LPP: variants seen among roughly 807,000 people sequenced by gnomAD.
LPP encodes lipoma-preferred partner.
Under a neutral mutation model 60.4 loss-of-function variants are expected in LPP, and 38 were observed. The ratio of observed to expected loss-of-function variants is 0.63; its 90% CI spans 0.49 to 0.83. The LOEUF is 0.83. Among genes scored for constraint, LPP ranks in the 40% least tolerant of loss-of-function variants. LPP has a pLI of 0.00. For synonymous variants in LPP, 328 were observed against 290.8 expected (o/e 1.13, Z -1.30); for missense variants, 902 against 783.6 (o/e 1.15, Z -1.80).
intron 9 of LPP, among the ~76,000 whole-genome samples, chr3:188,829,352 T>C (rs967749444): frequency 6.6e-6 from 1 of 152,210 alleles, no homozygotes; most frequent in African/African-American, 2.4e-5. Context: ...ATCAAGTTAC[T>C]ATGATCTACA....
At chr3:188,204,043 G>C (rs1732450088) in intron 1 of LPP, among the ~76,000 whole-genome samples, 1 of 152,146 alleles carries the variant, frequency 6.6e-6, no homozygotes, top group Admixed American at 6.5e-5. Context: ...CTTTAGAGAA[G>C]GGGTGGGCCA....
At chr3:188,724,813 T>G (rs537255840) in intron 8 of LPP, among the ~76,000 whole-genome samples, 2 of 152,322 alleles carry the variant, frequency 1.3e-5, no homozygotes, top group Admixed American at 1.3e-4. Flanking sequence ...CTATGGCATC[T>G]TCTAGTCTAG....
intron 9 of LPP, among the ~76,000 whole-genome samples, chr3:188,785,314 CAT>C (rs58925318): frequency 9.5e-5 from 1 of 10,578 alleles, no homozygotes; most frequent in African/African-American, 5.2e-4. Context: ...TATATTCCAT[CAT>C]ATATATATAT....
chr3:188,565,671 T>C (rs2150753175), intron 6 of LPP, among the ~76,000 whole-genome samples: 1 of 152,074 alleles, frequency 6.6e-6, no homozygotes, highest in East Asian at 1.9e-4. Context: ...CCTAAATATG[T>C]TTGTCTGATG....
intron 7 of LPP, among the ~76,000 whole-genome samples, chr3:188,694,079 G>T (rs1220164195): frequency 6.6e-6 from 1 of 152,108 alleles, no homozygotes; most frequent in East Asian, 1.9e-4. Flanking sequence ...AGAAGGCAGG[G>T]AATCTAAAGT....
chr3:188,609,072 A>G lies in LPP; in HGVS notation c.430-89A>G, dbSNP rs1056802597. 4 of 933,752 alleles carry G rather than the reference A, an allele frequency of 4.3e-6. No homozygotes were observed. Among genetic ancestry groups the G allele is most frequent in the East Asian group, 2.6e-5 (1 of 38,070 alleles). 57.8% of individuals were successfully genotyped at this position (933,752 alleles called of 1,614,324 possible). Reference sequence around the variant, plus strand: ...TAGTAATAAATAATAATTAGCAGTTATTAATATTTTTCATTTATTCATTTT... The same window carrying G: ...TAGTAATAAATAATAATTAGCAGTTGTTAATATTTTTCATTTATTCATTTT... On this transcript the variant is annotated intron_variant, in intron 6 of 11. Transcript: ENST00000617246. The surrounding 1 kb of genome is among the most constrained non-coding windows in gnomAD (Gnocchi z 6.9).
At position 188,833,667 on chromosome 3, in the gene LPP, C is replaced by A. The variant is rs569443766; in HGVS notation, c.1411-32533C>A. ...AAGCAAAATGTCTTCACTTACAAATCCAGCCACTTTGCACTCTCAGTCAGC... is the reference window on the plus strand; with the variant it reads ...AAGCAAAATGTCTTCACTTACAAATACAGCCACTTTGCACTCTCAGTCAGC... On this transcript the variant is annotated intron_variant, in intron 9 of 11. Transcript: ENST00000617246. Among the ~76,000 whole-genome samples the A allele has an allele frequency of 2.6e-5, 4 of 152,190 alleles. No individual in the cohort carries two copies. In the South Asian group the frequency reaches 8.3e-4, roughly 32 times the overall value.
intron 2 of LPP, among the ~76,000 whole-genome samples, chr3:188,274,865 C>T (rs373918328): frequency 2.4e-4 from 37 of 152,134 alleles, no homozygotes; most frequent in Non-Finnish European, 4.4e-4. Flanking sequence ...CAAGTTACCA[C>T]GTATTTTCCA....
At chr3:188,216,662 G>A (rs1713750080) in intron 1 of LPP, among the ~76,000 whole-genome samples, 1 of 152,174 alleles carries the variant, frequency 6.6e-6, no homozygotes, top group Non-Finnish European at 1.5e-5. Flanking sequence ...GGTTACTGTT[G>A]ATGACAGTGA....
At chr3:188,446,088 A>G (rs1795165136) in intron 4 of LPP, among the ~76,000 whole-genome samples, 1 of 152,216 alleles carries the variant, frequency 6.6e-6, no homozygotes, top group African/African-American at 2.4e-5. Flanking sequence ...GTCTTGCCAC[A>G]TGTGTTCTAT....
At chr3:188,498,110 C>T (rs7630762) in intron 5 of LPP, among the ~76,000 whole-genome samples, 149,762 of 152,240 alleles carry the variant, frequency 0.98, 73,720 homozygotes, top group East Asian at 1. Flanking sequence ...CTTCTACCTC[C>T]TCCAGGCAGG....
intron 7 of LPP, among the ~76,000 whole-genome samples, chr3:188,686,775 A>G (rs908156549): frequency 6.6e-6 from 1 of 152,228 alleles, no homozygotes; most frequent in African/African-American, 2.4e-5. Context: ...GGAAGAATCA[A>G]CATAAAACAA....
chr3:188,824,934 G>A (rs542091876), intron 9 of LPP, among the ~76,000 whole-genome samples: 25 of 152,230 alleles, frequency 1.6e-4, no homozygotes, highest in African/African-American at 6.0e-4. Flanking sequence ...TGGGAATGAC[G>A]AATGAAGGGA....
chr3:188,481,970 C>T (rs540330967), intron 4 of LPP, among the ~76,000 whole-genome samples: 16 of 152,214 alleles, frequency 1.1e-4, no homozygotes, highest in South Asian at 1.0e-3. Context: ...AATTGTAATC[C>T]CCATGTGTCA....
chr3:188,266,014 T>C (rs1223490399), intron 2 of LPP, among the ~76,000 whole-genome samples: 3 of 152,140 alleles, frequency 2.0e-5, no homozygotes, highest in Non-Finnish European at 4.4e-5. Flanking sequence ...TACTTCTCTG[T>C]TGCTGCCTGG....
intron 6 of LPP, among the ~76,000 whole-genome samples, chr3:188,543,916 A>T (rs1300737507): frequency 6.6e-6 from 1 of 152,188 alleles, no homozygotes; most frequent in African/African-American, 2.4e-5. Context: ...GTCCACAGGG[A>T]TTTAGTGCAA....
chr3:188,765,024 T>G (rs1733569756), intron 9 of LPP, among the ~76,000 whole-genome samples: 1 of 152,194 alleles, frequency 6.6e-6, no homozygotes, highest in Admixed American at 6.5e-5. Flanking sequence ...TGGCTACAGT[T>G]AAAACATTCT....
intron 6 of LPP, among the ~76,000 whole-genome samples, chr3:188,606,134 G>T (rs968815828): frequency 3.9e-5 from 6 of 152,166 alleles, no homozygotes; most frequent in Admixed American, 2.6e-4. Context: ...ACCTTCTCTA[G>T]ATTTTCACCT....
At chr3:188,460,980 G>A (rs1798840769) in intron 4 of LPP, among the ~76,000 whole-genome samples, 1 of 152,168 alleles carries the variant, frequency 6.6e-6, no homozygotes, top group African/African-American at 2.4e-5. Flanking sequence ...AGGAACTGTT[G>A]AAAGAGATTG....
Sources: allele counts gnomAD v4.1 joint callset (sites outside exome capture counted in the v4.1 genomes callset), GRCh38; gene constraint gnomAD v4.1.1; non-coding constraint Gnocchi (gnomAD v3.1); transcripts MANE v1.5; gene names NCBI Gene and HGNC (gene_info 2026-07-23, HGNC 2026-07-21).